Variants in MACROD2 observed in about 807,000 individuals in gnomAD.
MACROD2 encodes mono-ADP ribosylhydrolase 2, also known as ADP-ribose glycohydrolase MACROD2.
MACROD2 carries 36 observed loss-of-function variants against 70.4 expected under a neutral mutation model. The ratio of observed to expected loss-of-function variants is 0.51; its 90% CI spans 0.39 to 0.68. The LOEUF is 0.68. Among genes scored for constraint, MACROD2 ranks in the 30% least tolerant of loss-of-function variants. The pLI is 0.00. For missense variants in MACROD2, 496 were observed against 538.4 expected (o/e 0.92, Z 0.78); for synonymous variants, 172 against 178.8 (o/e 0.96, Z 0.30).
At chr20:14,208,362 G>A (rs894281529) in intron 3 of MACROD2, among the ~76,000 whole-genome samples, 2 of 152,138 alleles carry the variant, frequency 1.3e-5, no homozygotes, top group African/African-American at 4.8e-5. Flanking sequence ...CCAGGGGTTG[G>A]CATGTTGTGG....
intron 5 of MACROD2, among the ~76,000 whole-genome samples, chr20:14,943,779 C>G (rs568506652): frequency 2.7e-4 from 41 of 152,148 alleles, no homozygotes; most frequent in Non-Finnish European, 5.6e-4. Flanking sequence ...GTATCTACCA[C>G]TGAATGTTTT....
At chr20:14,302,005 A>G (rs1033774660) in intron 3 of MACROD2, among the ~76,000 whole-genome samples, 4 of 152,244 alleles carry the variant, frequency 2.6e-5, no homozygotes, top group African/African-American at 9.6e-5. Context: ...AGATAGAACT[A>G]TGTACAGAAA....
chr20:15,926,563 A>G (rs538488401), intron 10 of MACROD2, among the ~76,000 whole-genome samples: 1 of 152,332 alleles, frequency 6.6e-6, no homozygotes, highest in South Asian at 2.1e-4. Flanking sequence ...GTTGATCAGG[A>G]TAAGAAGGAT....
intron 3 of MACROD2, among the ~76,000 whole-genome samples, chr20:14,447,910 A>G (rs1011114939): frequency 1.3e-5 from 2 of 151,450 alleles, no homozygotes; most frequent in African/African-American, 2.4e-5. Context: ...GTTAGAATGA[A>G]TAGTCCATGT....
chr20:14,334,518 G>C (rs1020353030), intron 3 of MACROD2, among the ~76,000 whole-genome samples: 1 of 152,090 alleles, frequency 6.6e-6, no homozygotes, highest in Non-Finnish European at 1.5e-5. Context: ...TTTGCCCACT[G>C]GGGGGTGGTA....
intron 3 of MACROD2, among the ~76,000 whole-genome samples, chr20:14,329,678 A>G (rs1170328169): frequency 6.6e-6 from 1 of 152,142 alleles, no homozygotes; most frequent in Admixed American, 6.6e-5. Flanking sequence ...TACATGTCAA[A>G]GAGGTGAGCA....
intron 5 of MACROD2, among the ~76,000 whole-genome samples, chr20:15,188,955 ATCAGTGC>A (rs2076551765): frequency 6.6e-6 from 1 of 152,218 alleles, no homozygotes; most frequent in East Asian, 1.9e-4. Flanking sequence ...TGTCACAGAC[ATCAGTGC>A]TATTTATCAA....
Position 15,824,582 on chromosome 20 carries a change from T to C in MACROD2, c.646-38163T>C, listed in dbSNP as rs1035077861. Among the ~76,000 whole-genome samples, 4 of 152,198 alleles carry C rather than the reference T, an allele frequency of 2.6e-5. No homozygotes were observed. In the South Asian group the frequency reaches 6.2e-4, roughly 24 times the overall value. ...CTGCAGCCTATTCATGACATAGTGA[T>C]GCTAGATATTCTTCTGCTTTGCTGA... On this transcript the variant is annotated intron_variant, in intron 8 of 17. Transcript: ENST00000684519.
intron 6 of MACROD2, among the ~76,000 whole-genome samples, chr20:15,331,818 GCA>G (rs2077995728): frequency 1.3e-5 from 2 of 151,222 alleles, no homozygotes; most frequent in East Asian, 3.9e-4. Flanking sequence ...ACACACACAT[GCA>G]CACACACATA....
chr20:14,928,086 A>C (rs2122663778), intron 5 of MACROD2, among the ~76,000 whole-genome samples: 1 of 152,328 alleles, frequency 6.6e-6, no homozygotes, highest in South Asian at 2.1e-4. Context: ...GGTTAAGCAG[A>C]AACATGGACG....
intron 3 of MACROD2, among the ~76,000 whole-genome samples, chr20:14,400,575 C>T (rs964234838): frequency 3.3e-5 from 5 of 152,080 alleles, no homozygotes; most frequent in East Asian, 1.9e-4. Context: ...TGCCATACTC[C>T]ATTTCCTCAA....
chr20:15,354,068 C>G (rs2146229894), intron 6 of MACROD2, among the ~76,000 whole-genome samples: 1 of 150,818 alleles, frequency 6.6e-6, no homozygotes, highest in East Asian at 2.0e-4. Flanking sequence ...TATTGTGGCA[C>G]TATTCACAAT....
intron 7 of MACROD2, among the ~76,000 whole-genome samples, chr20:15,463,324 A>T (rs962192414): frequency 6.6e-6 from 1 of 152,218 alleles, no homozygotes; most frequent in Non-Finnish European, 1.5e-5. Context: ...AGGAGGAAGT[A>T]ATGGGTGGGA....
At chr20:15,770,974 G>A (rs1286663477) in intron 8 of MACROD2, among the ~76,000 whole-genome samples, 1 of 152,134 alleles carries the variant, frequency 6.6e-6, no homozygotes, top group Non-Finnish European at 1.5e-5. Context: ...ATGAGAGTGT[G>A]TTCTGTCCAC....
intron 5 of MACROD2, among the ~76,000 whole-genome samples, chr20:15,078,559 A>G (rs1256105499): frequency 2.0e-5 from 3 of 147,392 alleles, no homozygotes; most frequent in Non-Finnish European, 4.4e-5. Flanking sequence ...AGAGAGATAT[A>G]AAAAAAATCT....
chr20:15,102,439 A>G (rs1377964157), intron 5 of MACROD2, among the ~76,000 whole-genome samples: 2 of 152,008 alleles, frequency 1.3e-5, no homozygotes, highest in African/African-American at 4.8e-5. Context: ...CCACTCCCAC[A>G]TATATACTCT....
intron 8 of MACROD2, among the ~76,000 whole-genome samples, chr20:15,685,585 C>T (rs1434112844): frequency 6.6e-6 from 1 of 152,170 alleles, no homozygotes; most frequent in East Asian, 1.9e-4. Flanking sequence ...GGGGAAGACT[C>T]ATCTCTCATC....
rs568564264 is a variant in MACROD2 at position 15,864,745 on chromosome 20, T to C, written c.727+1919T>C. 3.9e-5 allele frequency among the ~76,000 whole-genome samples: 6 copies of C among 152,242 alleles called. No homozygotes were observed. The East Asian group carries it at 7.7e-4, about 20-fold the overall frequency. On this transcript the variant is annotated intron_variant, in intron 9 of 17. Transcript: ENST00000684519. ...TGCAGTACATGAGCAAGTGAAATAA[T>C]AAAATCATCCTCAATCTCACATCAA...
chr20:15,463,639 C>T (rs1242783551), intron 7 of MACROD2, among the ~76,000 whole-genome samples: 3 of 152,108 alleles, frequency 2.0e-5, no homozygotes, highest in Non-Finnish European at 1.5e-5. Flanking sequence ...CTCCCAGCTA[C>T]TTGAGAAGCT....
Sources: gnomAD v4.1 joint callset for allele counts (sites outside exome capture counted in the v4.1 genomes callset) on GRCh38, gnomAD v4.1.1 for gene constraint, MANE v1.5 for transcripts, NCBI Gene and HGNC (gene_info 2026-07-23, HGNC 2026-07-21) for gene names.